C5orf58: variants seen among roughly 807,000 people sequenced by gnomAD.
C5orf58 encodes putative uncharacterized protein C5orf58.
C5orf58 carries 2 observed loss-of-function variants against 2.9 expected under a neutral mutation model. The ratio of observed to expected loss-of-function variants is 0.69; its 90% CI spans 0.28 to 2.18. The LOEUF (loss-of-function observed/expected upper bound fraction) is 2.18, where lower values mean the gene tolerates loss of function less well. C5orf58 is among the 30% of genes most tolerant of loss of function. The pLI, the probability that C5orf58 is intolerant of heterozygous loss-of-function variation, is 0.13. For missense variants in C5orf58, 96 were observed against 91.7 expected, an observed-to-expected ratio of 1.05 and a Z score of -0.19; for synonymous variants, 37 against 33.4, an observed-to-expected ratio of 1.11 and a Z score of -0.37.
chr5:170,236,605 C>G (rs540905345), intron 3 of C5orf58, among the ~76,000 whole-genome samples: 21 of 152,292 alleles, frequency 1.4e-4, no homozygotes, highest in African/African-American at 5.1e-4. Context: ...ATGACCTGCT[C>G]AGATCATTCC....
downstream of C5orf58, chr5:170,248,733 G>A (rs1348875513): frequency 6.2e-7 from 1 of 1,611,070 alleles, no homozygotes; most frequent in Non-Finnish European, 8.5e-7. Context: ...ATGTGCACTG[G>A]TATCTGGAAC....
chr5:170,248,588 T>C (rs973697062), downstream of C5orf58: 14 of 1,137,494 alleles, frequency 1.2e-5, no homozygotes, highest in African/African-American at 1.9e-4. Context: ...CTTGTGTTCA[T>C]GGGGAGGGGT....
chr5:170,235,310 C>T (rs1244690942), intron 3 of C5orf58, among the ~76,000 whole-genome samples: 3 of 152,096 alleles, frequency 2.0e-5, no homozygotes, highest in African/African-American at 7.2e-5. Flanking sequence ...GTTGTCTAAC[C>T]TCTGTAAATT....
intron 3 of C5orf58, among the ~76,000 whole-genome samples, chr5:170,236,770 C>T (rs559834882): frequency 6.6e-6 from 1 of 152,232 alleles, no homozygotes; most frequent in African/African-American, 2.4e-5. Flanking sequence ...CTACCTCCAA[C>T]ACACCAGGTT....
At chr5:170,235,500 T>C (rs1760706330) in intron 3 of C5orf58, among the ~76,000 whole-genome samples, 1 of 152,226 alleles carries the variant, frequency 6.6e-6, no homozygotes, top group African/African-American at 2.4e-5. Context: ...GGATTAGACC[T>C]TATAGGTCAT....
intron 3 of C5orf58, among the ~76,000 whole-genome samples, chr5:170,242,768 T>G (rs1761074915): frequency 6.6e-6 from 1 of 151,712 alleles, no homozygotes; most frequent in South Asian, 2.1e-4. Context: ...TTTTTGTGTC[T>G]CTATTTCCTT....
At chr5:170,238,373 T>C (rs1478897471) in intron 3 of C5orf58, among the ~76,000 whole-genome samples, 1 of 151,690 alleles carries the variant, frequency 6.6e-6, no homozygotes, top group Admixed American at 6.6e-5. Flanking sequence ...GATAGAAGGG[T>C]TGAAAGGTAA....
intron 3 of C5orf58, among the ~76,000 whole-genome samples, chr5:170,243,820 T>G (rs1761129780): frequency 6.6e-6 from 1 of 150,562 alleles, no homozygotes; most frequent in Non-Finnish European, 1.5e-5. Flanking sequence ...ATCCTGTCAT[T>G]ATGATGTTAG....
downstream of C5orf58, chr5:170,248,868 GGAACTTCACTTTCA>G (rs1470196777): frequency 3.8e-6 from 6 of 1,594,212 alleles, no homozygotes; most frequent in Non-Finnish European, 5.1e-6. Context: ...ATGAAAAGCA[GGAACTTCACTTTCA>G]GTTTTTTTAT....
At chr5:170,250,981 C>A, downstream of C5orf58, 1 of 947,718 alleles carries the variant, frequency 1.1e-6, no homozygotes. Context: ...ATCTGACAAA[C>A]ATGTCAGTTG....
At chr5:170,248,711 C>T, downstream of C5orf58, 1 of 1,611,738 alleles carries the variant, frequency 6.2e-7, no homozygotes, top group Non-Finnish European at 8.5e-7. Context: ...GGGTACCCTG[C>T]AGCATGCGTT....
At chr5:170,245,261 C>T (rs1761212671) in intron 3 of C5orf58, among the ~76,000 whole-genome samples, 1 of 152,226 alleles carries the variant, frequency 6.6e-6, no homozygotes, top group South Asian at 2.1e-4. Flanking sequence ...GTGGAGCCTA[C>T]AGAGGCAGGC....
downstream of C5orf58, among the ~76,000 whole-genome samples, chr5:170,249,698 T>G (rs1761388300): frequency 6.6e-6 from 1 of 152,182 alleles, no homozygotes; most frequent in Non-Finnish European, 1.5e-5. Context: ...AACCAATATT[T>G]GCAGCCATAG....
intron 3 of C5orf58, among the ~76,000 whole-genome samples, chr5:170,245,633 G>A (rs139968158): frequency 0.022 from 3,425 of 152,244 alleles, 137 homozygotes; most frequent in African/African-American, 0.079. Context: ...GCTTCGGCTC[G>A]CACACCGTGC....
chr5:170,245,545 T>C (rs1761235237), intron 3 of C5orf58, among the ~76,000 whole-genome samples: 1 of 152,310 alleles, frequency 6.6e-6, no homozygotes, highest in East Asian at 1.9e-4. Context: ...TCCAGGTGCG[T>C]CCGTCACCCC....
downstream of C5orf58, chr5:170,250,742 G>C (rs1561964924): frequency 1.2e-6 from 2 of 1,613,190 alleles, no homozygotes; most frequent in East Asian, 4.5e-5. Context: ...CTTTCCCTCG[G>C]AGTCCAGTTC....
At chr5:170,245,935 T>C in intron 3 of C5orf58, 27 bp from the exon 4 acceptor site, 1 of 1,597,950 alleles carries the variant, frequency 6.3e-7, no homozygotes, top group South Asian at 1.1e-5. Context: ...TGCTACAATA[T>C]AATATCTCCT....
chr5:170,235,020 A>G lies in C5orf58; in HGVS notation c.44A>G (p.Lys15Arg). The change falls in exon 3 of 4, where the codon AAA becomes AGA. Residue 15 changes from lysine (K) to arginine (R), a missense_variant. Physicochemically the swap from Lys to Arg is conservative, Grantham distance 26. Transcript: ENST00000593851. Reference sequence around the variant, plus strand: ...ACTGATCATAAGCTAAATGTGGACAAAGTAATTAAAAATATTAACACAATT... The same window carrying G: ...ACTGATCATAAGCTAAATGTGGACAGAGTAATTAAAAATATTAACACAATT... Reference protein sequence around the residue: ...RVTDHKLNVDKVIKNINTISS... With the variant: ...RVTDHKLNVDRVIKNINTISS... The G allele has an allele frequency of 6.4e-7, 1 of 1,551,412 alleles. No homozygotes were observed. The highest frequency in any genetic ancestry group is 8.8e-7 in the Non-Finnish European group (1 of 1,132,574).
At chr5:170,248,872 CT>C, downstream of C5orf58, 1 of 1,588,688 alleles carries the variant, frequency 6.3e-7, no homozygotes, top group Non-Finnish European at 8.6e-7. Flanking sequence ...AAAGCAGGAA[CT>C]TCACTTTCAG....
Sources: allele counts gnomAD v4.1 joint callset (sites outside exome capture counted in the v4.1 genomes callset), GRCh38; gene constraint gnomAD v4.1.1; transcripts MANE v1.5; gene names NCBI Gene and HGNC (gene_info 2026-07-23, HGNC 2026-07-21).